Variants in CDK10 observed in about 807,000 individuals in gnomAD.
CDK10 encodes cyclin dependent kinase 10, also known as cyclin-dependent kinase 10.
A neutral mutation model predicts 51.0 loss-of-function variants in CDK10; 55 were observed. That is an observed-to-expected ratio of 1.08 (90% CI 0.87 to 1.35). The LOEUF (loss-of-function observed/expected upper bound fraction) is 1.35. Ranked by LOEUF, CDK10 falls within the 40% of genes most tolerant of loss-of-function variation. CDK10 has a pLI of 0.00. For missense variants in CDK10, 589 were observed against 485.1 expected, an observed-to-expected ratio of 1.21 and a Z score of -2.01; for synonymous variants, 255 against 199.1, an observed-to-expected ratio of 1.28 and a Z score of -2.36.
chr16:89,688,045 G>A (rs977850679), intron 1 of CDK10, among the ~76,000 whole-genome samples: 1 of 151,640 alleles, frequency 6.6e-6, no homozygotes, highest in African/African-American at 2.4e-5. Context: ...CGGGAAATGG[G>A]GGCTGTGAGG....
rs943946478 is a variant in CDK10, at chr16:89,695,485, G to A, written c.986-110G>A. 31 of 1,470,352 alleles carry A rather than the reference G, an allele frequency of 2.1e-5. No homozygotes were observed. The East Asian group carries it at 2.1e-4, about 10-fold the overall frequency. 91.1% of individuals were successfully genotyped at this position (1,470,352 alleles called of 1,614,324 possible). A position where few individuals can be genotyped will look rare whatever the true frequency, so the allele number is the denominator to read the frequency against. On this transcript the variant is annotated intron_variant, in intron 12 of 12. Coordinates refer to ENST00000353379, the MANE Select transcript of CDK10 (RefSeq NM_052988.5). ...GGGTAAGAGGACAGGGGCATGTGGA[G>A]GCACAGACAGCCCAGGGCCAGGTCC...
chr16:89,695,171 G>T (rs546017098), intron 11 of CDK10, 101 bp downstream of exon 11: 1 of 1,541,666 alleles, frequency 6.5e-7, no homozygotes, highest in Non-Finnish European at 8.8e-7. Flanking sequence ...CCCTCCCCAG[G>T]CACAGCCGCT....
intron 8 of CDK10, chr16:89,693,883 CCA>C (rs111415935): frequency 0.011 from 6,616 of 575,578 alleles, 370 homozygotes; most frequent in African/African-American, 0.11. Context: ...GGTCAGGACC[CCA>C]GTGTCGTGTA....
rs2060577095 is a variant in CDK10 at position 89,694,015 on chromosome 16, G to C, written c.609-158G>C. 3.0e-5 allele frequency: 21 copies of C among 709,906 alleles called. No individual in the cohort carries two copies. In the South Asian group the frequency reaches 3.5e-4, roughly 12 times the overall value. 44.0% of individuals were successfully genotyped at this position (709,906 alleles called of 1,614,324 possible). A position where few individuals can be genotyped will look rare whatever the true frequency, so the allele number is the denominator to read the frequency against. On this transcript the variant is annotated intron_variant, in intron 8 of 12. Coordinates refer to ENST00000353379, the MANE Select transcript of CDK10 (RefSeq NM_052988.5). ...GCTCTCGCCCCCGGCAACCATTGCT[G>C]TGTGTGCCACCTGGATCTGCAGGGC...
intron 5 of CDK10, 100 bp from the exon 6 acceptor site, chr16:89,692,349 A>T: frequency 1.2e-6 from 1 of 855,910 alleles, no homozygotes; most frequent in Non-Finnish European, 1.8e-6. Flanking sequence ...TTCCTGGGCT[A>T]TTGGGACTGC....
chr16:89,687,322 C>A, intron 1 of CDK10: 1 of 381,052 alleles, frequency 2.6e-6, no homozygotes, highest in Non-Finnish European at 5.4e-6. Flanking sequence ...GGGCGTTGGG[C>A]GGTGTTGCCC....
intron 2 of CDK10, 136 bp downstream of exon 2, chr16:89,689,460 C>T: frequency 4.3e-6 from 3 of 696,492 alleles, no homozygotes; most frequent in Non-Finnish European, 5.2e-6. Flanking sequence ...GAAACCTGTT[C>T]AGGAACTTCA....
chr16:89,687,324 G>A (rs1296844452), intron 1 of CDK10: 3 of 387,550 alleles, frequency 7.7e-6, no homozygotes, highest in Non-Finnish European at 1.6e-5. Flanking sequence ...GCGTTGGGCG[G>A]TGTTGCCCAG....
rs555548042 is a variant in CDK10 at position 89,692,023 on chromosome 16, G to C, written c.417+136G>C. ...CCTCCACCTCCCAGTGTTTCAGCGA[G>C]CTTCAGTGAGGTGGAATTCCTGTGG... is the stretch of plus-strand genomic sequence containing the variant. On this transcript the variant is annotated intron_variant, in intron 5 of 12. Coordinates refer to ENST00000353379, the MANE Select transcript of CDK10 (RefSeq NM_052988.5). 6.1e-5 allele frequency: 44 copies of C among 720,938 alleles called. 1 individual carries two copies. In the East Asian group the frequency reaches 9.4e-4, roughly 15 times the overall value. The allele number at this position is 720,938 out of a possible 1,614,324, so 44.7% of individuals were successfully genotyped here.
chr16:89,694,180 G>C lies in CDK10; in HGVS notation c.616G>C (p.Ala206Pro). The C allele has an allele frequency of 6.2e-7, 1 of 1,613,992 alleles. No homozygotes were observed. Among genetic ancestry groups the C allele is most frequent in the Non-Finnish European group, 8.5e-7 (1 of 1,179,970 alleles). The change falls in exon 9 of 13, where the codon GCC becomes CCC. Residue 206 changes from alanine (A) to proline (P), a missense_variant. Physicochemically the swap from Ala to Pro is conservative, Grantham distance 27. Transcript: ENST00000353379. Reference protein sequence around the residue: ...TPKVVTLWYRAPELLLGTTTQ... With the variant: ...TPKVVTLWYRPPELLLGTTTQ... ...GGGTGCTTCTGTGTGTAGGTACCGA[G>C]CCCCTGAACTGCTGTTGGGAACCAC... is the stretch of plus-strand genomic sequence containing the variant.
Position 89,695,238 on chromosome 16 carries a change from G to A in CDK10, c.933-55G>A, listed in dbSNP as rs529612217. 10 of 1,568,942 alleles carry A rather than the reference G, an allele frequency of 6.4e-6. No homozygotes were observed. The African/African-American group carries it at 1.1e-4, about 17-fold the overall frequency. On this transcript the variant is annotated intron_variant, in intron 11 of 12. Transcript: ENST00000353379. ...TGAATCACAGGCTGCTCAGCTGGGTGGGAGGTGAGGAAGCCGCACTCACAA... is the reference window on the plus strand; with the variant it reads ...TGAATCACAGGCTGCTCAGCTGGGTAGGAGGTGAGGAAGCCGCACTCACAA...
chr16:89,691,815 G>T lies in CDK10; in HGVS notation c.345G>T (p.Leu115=). ...VVGNHLESIF[L]VMGYCEQDLA... is the part of the protein sequence containing the mutation. ...CTTCTGTTTCTTCCAGCATCTTCCT[G>T]GTGATGGGTTACTGTGAGCAGGACC... Residue 115 remains leucine, a synonymous_variant, in exon 5 of 13, where the codon CTG becomes CTT. Transcript: ENST00000353379. The T allele has an allele frequency of 6.2e-7, 1 of 1,613,960 alleles. No individual in the cohort carries two copies. The highest frequency in any genetic ancestry group is 8.5e-7 in the Non-Finnish European group (1 of 1,179,920).
chr16:89,695,162 C>A (rs1351482490), intron 11 of CDK10, 92 bp downstream of exon 11: 7 of 1,542,252 alleles, frequency 4.5e-6, no homozygotes, highest in Non-Finnish European at 6.1e-6. Flanking sequence ...TGGAGAGGCC[C>A]CTCCCCAGGC....
At chr16:89,692,715 G>A in intron 6 of CDK10, 199 bp downstream of exon 6, 1 of 427,066 alleles carries the variant, frequency 2.3e-6, no homozygotes, top group East Asian at 3.8e-5. Context: ...TTGGGCTCAA[G>A]TGATCCACCC....
At chr16:89,693,489 T>C (rs1025394182) in intron 8 of CDK10, 22 bp downstream of exon 8, 22 of 1,612,912 alleles carry the variant, frequency 1.4e-5, no homozygotes, top group Admixed American at 5.0e-5. Flanking sequence ...TGAAGCATGG[T>C]GGCCCCTGGG....
At chr16:89,688,205 C>G (rs999743272) in intron 1 of CDK10, among the ~76,000 whole-genome samples, 1 of 151,708 alleles carries the variant, frequency 6.6e-6, no homozygotes, top group East Asian at 1.9e-4. Flanking sequence ...CCTCAGCCTC[C>G]CAAGCAGCTG....
At position 89,686,767 on chromosome 16, in the gene CDK10, G is replaced by C. The variant is rs775424902; in HGVS notation, c.57G>C (p.Glu19Asp). The change falls in exon 1 of 13, where the codon GAG becomes GAC. Residue 19 changes from glutamate to aspartate, a missense_variant. Physicochemically the swap from Glu to Asp is conservative, Grantham distance 45 (BLOSUM62 2). Coordinates refer to ENST00000353379, the MANE Select transcript of CDK10 (RefSeq NM_052988.5). ...EQIRLKCIRKEGFFTVPPEHR... is the reference protein window; with the variant it reads ...EQIRLKCIRKDGFFTVPPEHR... Reference sequence around the variant, plus strand: ...TCCGTCTGAAGTGTATTCGTAAGGAGGGCTTCTTCACGGTGCCTCCGGAAC... The same window carrying C: ...TCCGTCTGAAGTGTATTCGTAAGGACGGCTTCTTCACGGTGCCTCCGGAAC... 1.2e-6 allele frequency: 2 copies of C among 1,612,568 alleles called. No individual in the cohort carries two copies. Among genetic ancestry groups the C allele is most frequent in the Admixed American group, 1.7e-5 (1 of 59,958 alleles).
intron 5 of CDK10, 163 bp downstream of exon 5, chr16:89,692,050 G>A: frequency 1.5e-6 from 1 of 645,334 alleles, no homozygotes; most frequent in Admixed American, 2.8e-5. Context: ...TTCCTGTGGT[G>A]GGGGCATCTG....
rs369075612 is a variant in CDK10, at chr16:89,693,220, C to T, written c.486-54C>T. 10 of 1,544,724 alleles carry T rather than the reference C, an allele frequency of 6.5e-6. No individual in the cohort carries two copies. In the African/African-American group the frequency reaches 8.2e-5, roughly 13 times the overall value. On this transcript the variant is annotated intron_variant, in intron 6 of 12. Coordinates refer to ENST00000353379, the MANE Select transcript of CDK10 (RefSeq NM_052988.5). Reference sequence around the variant, plus strand: ...TACGGGCATTGGTGCCGTGGGGGAGCTCTCAGCCCCTGTGGCCCTCTGGGA... The same window carrying T: ...TACGGGCATTGGTGCCGTGGGGGAGTTCTCAGCCCCTGTGGCCCTCTGGGA...
Sources: allele counts gnomAD v4.1 joint callset (sites outside exome capture counted in the v4.1 genomes callset), GRCh38; gene constraint gnomAD v4.1.1; transcripts MANE v1.5; gene names NCBI Gene and HGNC (gene_info 2026-07-23, HGNC 2026-07-21).